The following CHSY3 variants were observed in gnomAD, a reference collection of about 807,000 sequenced individuals.
CHSY3 encodes chondroitin sulfate synthase 3, also known as N-acetylgalactosaminyl-proteoglycan 3-beta-glucuronosyltransferase 3.
Under a neutral mutation model 67.2 loss-of-function variants are expected in CHSY3, and 35 were observed. The ratio of observed to expected loss-of-function variants is 0.52; its 90% confidence interval spans 0.40 to 0.69. CHSY3 has a LOEUF of 0.69. CHSY3 is among the 30% of genes least tolerant of loss of function. The pLI, the probability that CHSY3 is intolerant of heterozygous loss-of-function variation, is 0.00. For synonymous variants in CHSY3, 474 were observed against 434.7 expected (o/e 1.09, Z -1.12); for missense variants, 1,069 against 1,138.5 (o/e 0.94, Z 0.88).
chr5:129,904,921 T>A lies in CHSY3; in HGVS notation c.92T>A (p.Val31Glu). 1 of 1,540,372 alleles carries A rather than the reference T, an allele frequency of 6.5e-7. No homozygotes were observed. Residue 31 changes from valine (V) to glutamate (E), a missense_variant, in exon 1 of 3, where the codon GTG (valine) becomes GAG (glutamate). Val to Glu is a moderately radical substitution (Grantham distance 121). Coordinates refer to ENST00000305031, the MANE Select transcript of CHSY3 (RefSeq NM_175856.5). ...GCGTCCTGGCTCATCGCCCCCAGGG[T>A]GGCGGAGCTGAGCGAGAGGAAGAGA... ...TAASWLIAPRVAELSERKRRG... is the reference protein window; with the variant it reads ...TAASWLIAPREAELSERKRRG...
At chr5:130,143,790 A>G (rs1319364790) in intron 2 of CHSY3, among the ~76,000 whole-genome samples, 1,277 of 82,522 alleles carry the variant, frequency 0.015, 87 homozygotes, top group African/African-American at 0.055. Flanking sequence ...ATGTGTATAT[A>G]TATATATATA....
chr5:130,184,897 G>T lies in CHSY3; in HGVS notation c.1755G>T (p.Glu585Asp). 3 of 1,551,370 alleles carry T rather than the reference G, an allele frequency of 1.9e-6. No individual in the cohort carries two copies. Among genetic ancestry groups the T allele is most frequent in the Non-Finnish European group, 8.9e-7 (1 of 1,122,952 alleles). Residue 585 changes from glutamate to aspartate, a missense_variant, in exon 3 of 3, where the codon GAG becomes GAT. Physicochemically the swap from Glu to Asp is conservative, Grantham distance 45. Transcript: ENST00000305031. ...AGCTAGATGTCAACAGTCTTGTGGA[G>T]AGTATTAACAGTGAAACTCAGTCAT... ...TEELDVNSLV[E>D]SINSETQSFS...
In CHSY3 at chr5:129,947,252, G is replaced by T. The variant is rs1182942866; in HGVS notation, c.1086+38892G>T. On this transcript the variant is annotated intron_variant, in intron 2 of 2. Coordinates refer to ENST00000305031, the MANE Select transcript of CHSY3 (RefSeq NM_175856.5). ...CTCACTATCATGAGAACAACATAAG[G>T]ATAACTGCCCTCATGATTAAATTAC... 2.0e-5 allele frequency among the ~76,000 whole-genome samples: 3 copies of T among 152,150 alleles called. No individual in the cohort carries two copies. In the South Asian group the frequency reaches 6.2e-4, roughly 32 times the overall value.
At chr5:130,070,308 A>G (rs919177846) in intron 2 of CHSY3, among the ~76,000 whole-genome samples, 1 of 152,268 alleles carries the variant, frequency 6.6e-6, no homozygotes, top group Admixed American at 6.6e-5. Context: ...TAGACATTAT[A>G]CTGAATCAAG....
intron 2 of CHSY3, among the ~76,000 whole-genome samples, chr5:129,951,230 T>TC (rs1179476823): frequency 6.6e-6 from 1 of 151,878 alleles, no homozygotes; most frequent in East Asian, 1.9e-4. Flanking sequence ...CTTACATCAC[T>TC]CCCCAAAGTC....
chr5:130,075,920 C>T (rs1205780601), intron 2 of CHSY3, among the ~76,000 whole-genome samples: 3 of 152,114 alleles, frequency 2.0e-5, no homozygotes, highest in African/African-American at 7.2e-5. Flanking sequence ...ACCTAATTTT[C>T]CTTTTTAAGG....
At chr5:129,958,082 A>G (rs948817760) in intron 2 of CHSY3, among the ~76,000 whole-genome samples, 3 of 152,086 alleles carry the variant, frequency 2.0e-5, no homozygotes, top group African/African-American at 7.2e-5. Flanking sequence ...ACTTCTAAAT[A>G]TTTGTAATGT....
intron 2 of CHSY3, among the ~76,000 whole-genome samples, chr5:129,916,330 G>A (rs1453787061): frequency 6.6e-6 from 1 of 152,158 alleles, no homozygotes; most frequent in Non-Finnish European, 1.5e-5. Flanking sequence ...CACAAATGGA[G>A]GAAACCAACT....
chr5:130,046,626 T>C (rs1765159493), intron 2 of CHSY3, among the ~76,000 whole-genome samples: 1 of 151,986 alleles, frequency 6.6e-6, no homozygotes, highest in Non-Finnish European at 1.5e-5. Context: ...ATACAATCAA[T>C]TGTCAATTAG....
intron 2 of CHSY3, among the ~76,000 whole-genome samples, chr5:129,932,566 A>G (rs1344856304): frequency 2.0e-5 from 3 of 152,178 alleles, no homozygotes; most frequent in Non-Finnish European, 2.9e-5. Flanking sequence ...AGGATTAATA[A>G]TAATCAATGG....
chr5:130,133,715 T>C (rs1237970642), intron 2 of CHSY3, among the ~76,000 whole-genome samples: 1 of 134,404 alleles, frequency 7.4e-6, no homozygotes, highest in Admixed American at 9.2e-5. Context: ...GAGGTTGCAG[T>C]GAGCCAAGAT....
rs1768820477 is a variant in CHSY3 at position 130,140,308 on chromosome 5, A to G, written c.1087-43921A>G. On this transcript the variant is annotated intron_variant, in intron 2 of 2. Transcript: ENST00000305031. ...GTCTAATATGAAGCATCAGCCCTTC[A>G]TAGTGGTGAATAAGCACAACGTCCA... 28 of 488,078 alleles carry G rather than the reference A, an allele frequency of 5.7e-5. 1 individual carries two copies. The South Asian group carries it at 6.4e-4, about 11-fold the overall frequency. The allele number at this position is 488,078 out of a possible 1,614,324, so 30.2% of individuals were successfully genotyped here.
At chr5:129,945,558 T>G (rs978737462) in intron 2 of CHSY3, among the ~76,000 whole-genome samples, 2 of 152,192 alleles carry the variant, frequency 1.3e-5, no homozygotes, top group African/African-American at 2.4e-5. Context: ...TTTCCCCTTC[T>G]GTTAAGGGTA....
chr5:129,940,870 G>T (rs1036606216), intron 2 of CHSY3, among the ~76,000 whole-genome samples: 4 of 152,174 alleles, frequency 2.6e-5, no homozygotes, highest in Admixed American at 2.6e-4. Flanking sequence ...AGATGATTTT[G>T]CCCAACTGCA....
rs59606039 is a variant in CHSY3, at chr5:130,144,133, C to CA, written c.1087-40085dup. Among the ~76,000 whole-genome samples the CA allele has an allele frequency of 6.0e-3, 845 of 140,950 alleles. 7 individuals carry two copies. The highest frequency in any genetic ancestry group is 0.037 in the South Asian group (165 of 4,456). The allele number at this position is 140,950 out of a possible 152,430, so 92.5% of individuals were successfully genotyped here. A position where few individuals can be genotyped will look rare whatever the true frequency, so the allele number is the denominator to read the frequency against. On this transcript the variant is annotated intron_variant, in intron 2 of 2. Transcript: ENST00000305031. ...TCTTCTATAAATATATCTTTCCAAG[C>CA]AAAAAAAAAAATTCACAAGTATTTC...
At chr5:130,050,962 A>C (rs1256423986) in intron 2 of CHSY3, among the ~76,000 whole-genome samples, 2 of 152,184 alleles carry the variant, frequency 1.3e-5, no homozygotes, top group Non-Finnish European at 2.9e-5. Context: ...CAGCTATTAC[A>C]AAAAATATGG....
At chr5:129,925,467 A>C (rs2149585672) in intron 2 of CHSY3, among the ~76,000 whole-genome samples, 1 of 152,230 alleles carries the variant, frequency 6.6e-6, no homozygotes, top group Admixed American at 6.5e-5. Flanking sequence ...AAAAATTGCA[A>C]ATTTCTGTGG....
At chr5:129,991,981 T>C (rs1763382488) in intron 2 of CHSY3, among the ~76,000 whole-genome samples, 1 of 152,206 alleles carries the variant, frequency 6.6e-6, no homozygotes, top group Non-Finnish European at 1.5e-5. Context: ...TAATACAAAC[T>C]GTTCTTTGTT....
At chr5:130,136,667 C>G (rs2149716654) in intron 2 of CHSY3, among the ~76,000 whole-genome samples, 1 of 152,146 alleles carries the variant, frequency 6.6e-6, no homozygotes, top group East Asian at 1.9e-4. Context: ...GAAGAAAATC[C>G]TATGAAGTAG....
Sources: gnomAD v4.1 joint callset for allele counts (sites outside exome capture counted in the v4.1 genomes callset) on GRCh38, gnomAD v4.1.1 for gene constraint, MANE v1.5 for transcripts, NCBI Gene and HGNC (gene_info 2026-07-23, HGNC 2026-07-21) for gene names.